DTL: variants seen among roughly 807,000 people sequenced by gnomAD.
DTL encodes the protein denticleless protein homolog.
DTL carries 46 observed loss-of-function variants against 87.0 expected under a neutral mutation model. The observed-to-expected ratio is 0.53, with a 90% CI of 0.42 to 0.68. DTL has a LOEUF of 0.68. DTL is among the 30% of genes least tolerant of loss of function. DTL has a pLI of 0.00. For missense variants in DTL, 737 were observed against 869.4 expected, an observed-to-expected ratio of 0.85 and a Z score of 1.91; for synonymous variants, 308 against 311.2, an observed-to-expected ratio of 0.99 and a Z score of 0.11.
At chr1:212,041,528 C>T (rs919910426) in intron 1 of DTL, among the ~76,000 whole-genome samples, 1 of 148,016 alleles carries the variant, frequency 6.8e-6, no homozygotes, top group Non-Finnish European at 1.5e-5. Context: ...GGGGTGGGGA[C>T]GGAGTGTCGC....
intron 5 of DTL, chr1:212,052,040 C>T (rs1012758826): frequency 5.2e-6 from 5 of 967,728 alleles, no homozygotes; most frequent in African/African-American, 3.2e-5. Flanking sequence ...CGGTTCCGGC[C>T]GAAAAGAAGC....
intron 1 of DTL, 115 bp from the exon 2 acceptor site, chr1:212,042,878 T>C: frequency 2.1e-6 from 2 of 952,302 alleles, no homozygotes; most frequent in Non-Finnish European, 3.0e-6. Flanking sequence ...TAATAGTAAG[T>C]GGATCTATGT....
At chr1:212,064,740 ATC>A (rs1654440867) in intron 6 of DTL, among the ~76,000 whole-genome samples, 175 bp from the exon 7 acceptor site, 1 of 152,210 alleles carries the variant, frequency 6.6e-6, no homozygotes, top group African/African-American at 2.4e-5. Flanking sequence ...TGTTATAAAC[ATC>A]TCTCCCTTTT....
At chr1:212,101,506 A>T (rs1008032396) in intron 14 of DTL, among the ~76,000 whole-genome samples, 1 of 152,208 alleles carries the variant, frequency 6.6e-6, no homozygotes, top group Non-Finnish European at 1.5e-5. Flanking sequence ...GCTGTTGTTC[A>T]TGGGAAAGTT....
In DTL at chr1:212,078,240, G is replaced by C. The variant is rs750214901; in HGVS notation, c.1103G>C (p.Trp368Ser). The change falls in exon 12 of 15, where the codon TGG becomes TCG. Residue 368 changes from tryptophan (W) to serine (S), a missense_variant. Coordinates refer to ENST00000366991, the MANE Select transcript of DTL (RefSeq NM_016448.4). ...GHSQEVTSVC[W>S]CPSDFTKIAT... ...TCTCAAGAGGTCACGTCTGTGTGCTGGTGTCCATCTGACTTCACAAAGGTT... is the reference window on the plus strand; with the variant it reads ...TCTCAAGAGGTCACGTCTGTGTGCTCGTGTCCATCTGACTTCACAAAGGTT... 1 of 1,610,012 alleles carries C rather than the reference G, an allele frequency of 6.2e-7. No individual in the cohort carries two copies. Among genetic ancestry groups the C allele is most frequent in the Admixed American group, 1.7e-5 (1 of 59,898 alleles).
At chr1:212,082,466 G>A (rs1285363510) in intron 13 of DTL, among the ~76,000 whole-genome samples, 1 of 152,186 alleles carries the variant, frequency 6.6e-6, no homozygotes, top group East Asian at 1.9e-4. Flanking sequence ...GGATCGTATA[G>A]AGAGGGGGAG....
chr1:212,092,502 C>T (rs543917170), intron 13 of DTL, among the ~76,000 whole-genome samples: 2 of 151,956 alleles, frequency 1.3e-5, no homozygotes, highest in Non-Finnish European at 2.9e-5. Flanking sequence ...TGCCACTGCA[C>T]TCCAGCCTGG....
chr1:212,052,452 C>G (rs1177911945), intron 5 of DTL, among the ~76,000 whole-genome samples: 2 of 152,044 alleles, frequency 1.3e-5, no homozygotes, highest in East Asian at 3.9e-4. Flanking sequence ...GCTAGGCCAA[C>G]ATGATGAAAT....
chr1:212,080,339 C>T, intron 12 of DTL: 1 of 242,860 alleles, frequency 4.1e-6, no homozygotes, highest in Non-Finnish European at 7.9e-6. Flanking sequence ...GATAAAGAGC[C>T]AGAACTTTAG....
chr1:212,094,735 G>A (rs890827153), intron 13 of DTL, among the ~76,000 whole-genome samples: 46 of 152,110 alleles, frequency 3.0e-4, no homozygotes, highest in African/African-American at 9.9e-4. Flanking sequence ...ATCCTTGAGC[G>A]TAGGTTGTGT....
intron 5 of DTL, among the ~76,000 whole-genome samples, chr1:212,053,226 A>AT (rs546887571): frequency 0.012 from 1,805 of 146,962 alleles, 31 homozygotes; most frequent in African/African-American, 0.039. Flanking sequence ...CTATCCAGTG[A>AT]TTTTTTTTTT....
In DTL at chr1:212,100,354, C is replaced by G; in HGVS notation, c.1364C>G (p.Ala455Gly). 6.2e-7 allele frequency: 1 copy of G among 1,613,972 alleles called. No individual in the cohort carries two copies. Residue 455 changes from alanine to glycine, a missense_variant, in exon 14 of 15, where the codon GCT becomes GGT. Physicochemically the swap from Ala to Gly is moderately conservative, Grantham distance 60 (BLOSUM62 0). Coordinates refer to ENST00000366991, the MANE Select transcript of DTL (RefSeq NM_016448.4). The stretch of plus-strand genomic sequence containing the variant: ...TCCGCAGCTTGTGCCCCAAGCTGTG[C>G]TGGAGACCTCCCTCTTCCTTCAAAT... ...PSSAACAPSC[A>G]GDLPLPSNTP...
chr1:212,048,252 C>T (rs1056979567), intron 5 of DTL, among the ~76,000 whole-genome samples: 81 of 152,172 alleles, frequency 5.3e-4, no homozygotes, highest in African/African-American at 1.9e-3. Context: ...TGCAGAGGCT[C>T]GATCTCAGCT....
intron 13 of DTL, among the ~76,000 whole-genome samples, chr1:212,082,310 T>G (rs1435486827): frequency 6.6e-6 from 1 of 152,180 alleles, no homozygotes; most frequent in African/African-American, 2.4e-5. Context: ...GTATATGACT[T>G]GGGGACTACA....
intron 13 of DTL, among the ~76,000 whole-genome samples, chr1:212,094,500 A>G (rs995419879): frequency 6.6e-6 from 1 of 152,170 alleles, no homozygotes; most frequent in Non-Finnish European, 1.5e-5. Context: ...TTGAGTGACT[A>G]TAGCCTTGTA....
Position 212,100,951 on chromosome 1 carries a change from A to G in DTL, c.1961A>G (p.Asn654Ser). 6.2e-7 allele frequency: 1 copy of G among 1,614,168 alleles called. No homozygotes were observed. Among genetic ancestry groups the G allele is most frequent in the Non-Finnish European group, 8.5e-7 (1 of 1,180,006 alleles). Reference protein sequence around the residue: ...GEGSEMVGKENSSPENKNWLL... With the variant: ...GEGSEMVGKESSSPENKNWLL... ...GGGTCTGAAATGGTAGGCAAAGAGA[A>G]TAGTTCCCCAGAGAATAAAAACTGG... The change falls in exon 14 of 15, where the codon AAT (asparagine) becomes AGT (serine). Residue 654 changes from asparagine (N) to serine (S), a missense_variant. Physicochemically the swap from Asn to Ser is conservative, Grantham distance 46. Coordinates refer to ENST00000366991, the MANE Select transcript of DTL (RefSeq NM_016448.4).
intron 13 of DTL, among the ~76,000 whole-genome samples, chr1:212,096,652 G>A (rs1307846611): frequency 6.6e-6 from 1 of 152,154 alleles, no homozygotes; most frequent in Non-Finnish European, 1.5e-5. Flanking sequence ...GATCATTCAG[G>A]AGCGGATTAT....
intron 12 of DTL, 103 bp from the exon 13 acceptor site, chr1:212,080,512 A>C: frequency 1.9e-6 from 2 of 1,063,980 alleles, no homozygotes; most frequent in Admixed American, 4.7e-5. Context: ...TTTATTAGAC[A>C]AAATAATTAT....
At chr1:212,052,077 T>C (rs560414123) in intron 5 of DTL, 9 of 815,274 alleles carry the variant, frequency 1.1e-5, no homozygotes, top group South Asian at 5.6e-5. Flanking sequence ...GGTCAACAGC[T>C]TTTTTTTCCT....
Sources: gnomAD v4.1 joint callset for allele counts (sites outside exome capture counted in the v4.1 genomes callset) on GRCh38, gnomAD v4.1.1 for gene constraint, MANE v1.5 for transcripts, NCBI Gene and HGNC (gene_info 2026-07-23, HGNC 2026-07-21) for gene names.